Variants in AGBL3 observed in about 807,000 individuals in gnomAD.
AGBL3 encodes AGBL carboxypeptidase 3, also known as cytosolic carboxypeptidase 3.
Under a neutral mutation model 94.5 loss-of-function variants are expected in AGBL3, and 68 were observed. That is an observed-to-expected ratio of 0.72 (90% CI 0.59 to 0.88). The LOEUF (loss-of-function observed/expected upper bound fraction) is 0.88. Ranked by LOEUF, AGBL3 falls within the 40% of genes least tolerant of loss-of-function variation. AGBL3 has a pLI of 0.00. For missense variants in AGBL3, 934 were observed against 1,103.8 expected (o/e 0.85, Z 2.18); for synonymous variants, 354 against 370.7 (o/e 0.95, Z 0.52).
chr7:135,025,024 A>T (rs1430143466), intron 5 of AGBL3, among the ~76,000 whole-genome samples: 1 of 151,594 alleles, frequency 6.6e-6, no homozygotes, highest in Non-Finnish European at 1.5e-5. Context: ...AAGGAGAGAG[A>T]GTAAGCAACT....
chr7:135,076,171 C>T (rs1180235750), intron 12 of AGBL3, among the ~76,000 whole-genome samples: 1 of 152,200 alleles, frequency 6.6e-6, no homozygotes. Flanking sequence ...GTGAACTCAT[C>T]ATCATGCCAC....
intron 4 of AGBL3, among the ~76,000 whole-genome samples, chr7:134,997,215 A>C (rs1051102086): frequency 6.6e-6 from 1 of 152,136 alleles, no homozygotes; most frequent in Non-Finnish European, 1.5e-5. Flanking sequence ...ATGAGAATCT[A>C]ATGTTGCTGC....
At chr7:135,080,090 A>T in intron 13 of AGBL3, 113 bp from the exon 14 acceptor site, 1 of 837,430 alleles carries the variant, frequency 1.2e-6, no homozygotes, top group East Asian at 2.8e-5. Context: ...ACCTGTAAGG[A>T]TGAAATGAGA....
At chr7:135,129,140 T>C (rs1243501747) in intron 16 of AGBL3, 3 of 1,509,922 alleles carry the variant, frequency 2.0e-6, no homozygotes, top group African/African-American at 1.4e-5. Context: ...TTGCCTATTA[T>C]GACTGCCTTC....
chr7:135,114,188 C>A (rs962572230), intron 15 of AGBL3, among the ~76,000 whole-genome samples: 1 of 152,172 alleles, frequency 6.6e-6, no homozygotes, highest in Non-Finnish European at 1.5e-5. Flanking sequence ...TGGGACCCTG[C>A]TTTCAATGCT....
In AGBL3 at chr7:134,997,374, T is replaced by A. The variant is rs1246091454; in HGVS notation, c.310+3696T>A. On this transcript the variant is annotated intron_variant, in intron 4 of 16. Coordinates refer to ENST00000436302, the MANE Select transcript of AGBL3 (RefSeq NM_178563.4). ...CACTTGCTATGCGGCAGGGTCCAGA[T>A]GAGACCTAGCACAAGCTTCCAGTTG... Among the ~76,000 whole-genome samples, 4 of 152,168 alleles carry A rather than the reference T, an allele frequency of 2.6e-5. 1 individual carries two copies. Among genetic ancestry groups the A allele is most frequent in the African/African-American group, 9.7e-5 (4 of 41,438 alleles).
intron 3 of AGBL3, 25 bp from the exon 4 acceptor site, chr7:134,993,468 G>C (rs1239091694): frequency 6.6e-7 from 1 of 1,510,164 alleles, no homozygotes; most frequent in Non-Finnish European, 8.9e-7. Context: ...TCCCACTCAT[G>C]ATTGTGTTTG....
chr7:135,131,588 A>C (rs980943566), intron 16 of AGBL3, among the ~76,000 whole-genome samples: 1 of 152,096 alleles, frequency 6.6e-6, no homozygotes, highest in African/African-American at 2.4e-5. Flanking sequence ...CTAACTGCAT[A>C]TGCTAAAAAA....
chr7:135,111,257 A>G (rs918842809), intron 15 of AGBL3, among the ~76,000 whole-genome samples: 1 of 152,208 alleles, frequency 6.6e-6, no homozygotes, highest in African/African-American at 2.4e-5. Flanking sequence ...CCTTAGTGAC[A>G]TAACTCTAAT....
At chr7:135,072,998 A>C (rs1820088800) in intron 12 of AGBL3, among the ~76,000 whole-genome samples, 1 of 152,152 alleles carries the variant, frequency 6.6e-6, no homozygotes, top group African/African-American at 2.4e-5. Flanking sequence ...GTGTGTACAT[A>C]CTGGAATATC....
At chr7:135,081,459 T>C (rs1250997034) in intron 14 of AGBL3, among the ~76,000 whole-genome samples, 3 of 152,258 alleles carry the variant, frequency 2.0e-5, no homozygotes, top group East Asian at 3.9e-4. Context: ...ATGAAAACTT[T>C]ATAACTGTCT....
At chr7:134,988,172 C>A in intron 2 of AGBL3, 176 bp downstream of exon 2, 1 of 477,978 alleles carries the variant, frequency 2.1e-6, no homozygotes, top group Non-Finnish European at 3.7e-6. Flanking sequence ...GAACACTATG[C>A]CCTGTCTAGA....
intron 16 of AGBL3, among the ~76,000 whole-genome samples, chr7:135,130,792 A>G (rs1398524002): frequency 6.6e-6 from 1 of 152,130 alleles, no homozygotes; most frequent in African/African-American, 2.4e-5. Context: ...ATTTGGCTTC[A>G]TACTCTTTTT....
rs549785134 is a variant in AGBL3, at chr7:135,016,960, G to A, written c.311-92G>A. ...ACACAAAACACTACATTTTAGCCTAGATCTATCAATGAATAATTTGAAAAT... is the reference window on the plus strand; with the variant it reads ...ACACAAAACACTACATTTTAGCCTAAATCTATCAATGAATAATTTGAAAAT... On this transcript the variant is annotated intron_variant, in intron 4 of 16. Transcript: ENST00000436302. The A allele has an allele frequency of 7.9e-5, 65 of 824,484 alleles. No individual in the cohort carries two copies. The Middle Eastern group carries it at 1.6e-3, about 20-fold the overall frequency. The allele number at this position is 824,484 out of a possible 1,614,324, so 51.1% of individuals were successfully genotyped here.
chr7:135,119,211 T>G (rs889585987), intron 16 of AGBL3, among the ~76,000 whole-genome samples: 4 of 151,474 alleles, frequency 2.6e-5, no homozygotes, highest in Admixed American at 6.6e-5. Flanking sequence ...AAGAAATTCA[T>G]GCCAAGATAC....
At chr7:135,081,893 T>C (rs536511830) in intron 15 of AGBL3, 103 bp downstream of exon 15, 3 of 693,196 alleles carry the variant, frequency 4.3e-6, no homozygotes, top group Non-Finnish European at 6.6e-6. Context: ...AGTAGAAATT[T>C]ACTGTATGTC....
chr7:135,022,722 T>A, intron 5 of AGBL3, among the ~76,000 whole-genome samples: 1 of 152,186 alleles, frequency 6.6e-6, no homozygotes, highest in Middle Eastern at 3.2e-3. Flanking sequence ...CATTTCATTA[T>A]AAAATCTTTG....
chr7:135,057,196 A>G (rs959387204), intron 11 of AGBL3, among the ~76,000 whole-genome samples: 1 of 152,200 alleles, frequency 6.6e-6, no homozygotes, highest in East Asian at 1.9e-4. Flanking sequence ...ACAATTGGAC[A>G]TCCACAGGCA....
chr7:135,016,647 A>C (rs1813844012), intron 4 of AGBL3, among the ~76,000 whole-genome samples: 1 of 152,180 alleles, frequency 6.6e-6, no homozygotes. Context: ...AAACCTGAAC[A>C]TGTTTATAAG....
Sources: allele counts gnomAD v4.1 joint callset (sites outside exome capture counted in the v4.1 genomes callset), GRCh38; gene constraint gnomAD v4.1.1; transcripts MANE v1.5; gene names NCBI Gene and HGNC (gene_info 2026-07-23, HGNC 2026-07-21).